The following TENM1 variants were observed in gnomAD, a reference collection of about 807,000 sequenced individuals.
The protein encoded by TENM1 is teneurin transmembrane protein 1.
TENM1 carries 35 observed loss-of-function variants against 174.8 expected under a neutral mutation model. The ratio of observed to expected loss-of-function variants is 0.20; its 90% confidence interval spans 0.15 to 0.27. TENM1 has a LOEUF of 0.27. Among genes scored for constraint, TENM1 ranks in the 10% least tolerant of loss-of-function variants. The pLI is 1.00. For missense variants in TENM1, 1,633 were observed against 2,130.1 expected, an observed-to-expected ratio of 0.77 and a Z score of 4.59; for synonymous variants, 781 against 798.7, an observed-to-expected ratio of 0.98 and a Z score of 0.37.
the TENM1 span, among the ~76,000 whole-genome samples, chrX:125,024,743 A>C: frequency 8.9e-6 from 1 of 111,947 alleles, no homozygotes; most frequent in East Asian, 2.8e-4. Context: ...TAGACCTCCC[A>C]AATCTTTAAA....
intron 15 of TENM1, among the ~76,000 whole-genome samples, chrX:124,530,586 T>C (rs975438923): frequency 9.0e-6 from 1 of 111,674 alleles, no homozygotes; most frequent in Non-Finnish European, 1.9e-5. Context: ...ATAGTATGAA[T>C]ATTTTTAAGC....
At chrX:124,699,327 T>A (rs1021504419) in intron 5 of TENM1, among the ~76,000 whole-genome samples, 2 of 111,003 alleles carry the variant, frequency 1.8e-5, no homozygotes, top group Admixed American at 9.6e-5. Context: ...CAGTCCCCCT[T>A]TATTATGCCT....
At chrX:124,962,266 T>C (rs1315686877) in intron 1 of TENM1, among the ~76,000 whole-genome samples, 1 of 111,670 alleles carries the variant, frequency 9.0e-6, no homozygotes, top group Non-Finnish European at 1.9e-5. Flanking sequence ...ATTGAAGCCA[T>C]CTGAGTAAAA....
At chrX:125,009,850 T>A in the TENM1 span, among the ~76,000 whole-genome samples, 1 of 111,722 alleles carries the variant, frequency 9.0e-6, no homozygotes. Context: ...TGTTAAAAAC[T>A]CTCAATAAAC....
At chrX:124,422,540 C>A (rs1271249650) in exon 24 of TENM1, 1 of 1,209,046 alleles carries the variant, frequency 8.3e-7, no homozygotes, top group African/African-American at 1.8e-5. Flanking sequence ...TCCGAACACG[C>A]CTGTTCTCAG....
Position 124,747,910 on chromosome X carries a change from G to A in TENM1, c.536-10713C>T, listed in dbSNP as rs936384188. On this transcript the variant is annotated intron_variant, in intron 3 of 31. Coordinates refer to ENST00000422452, the Ensembl canonical transcript of TENM1. ...TTCTTGACTCCCAAATAGCAAACAC[G>A]TACCACAAAGGATAGAAATGAAATT... 3.6e-5 allele frequency among the ~76,000 whole-genome samples: 4 copies of A among 111,200 alleles called. No individual in the cohort carries two copies. In the East Asian group the frequency reaches 8.6e-4, roughly 24 times the overall value.
chrX:124,881,216 G>A (rs955939631), intron 3 of TENM1, among the ~76,000 whole-genome samples: 5 of 111,313 alleles, frequency 4.5e-5, no homozygotes, highest in African/African-American at 1.3e-4. Context: ...ACTCATTTTT[G>A]ATCTGTTCAG....
the TENM1 span, among the ~76,000 whole-genome samples, chrX:125,049,719 C>A: frequency 9.0e-6 from 1 of 111,296 alleles, no homozygotes; most frequent in African/African-American, 3.3e-5. Context: ...TTATAGCCAT[C>A]CTCCTATGTG....
chrX:124,745,963 T>G (rs2053908364), intron 3 of TENM1, among the ~76,000 whole-genome samples: 1 of 111,551 alleles, frequency 9.0e-6, no homozygotes, highest in Non-Finnish European at 1.9e-5. Flanking sequence ...CTAAGAAGTA[T>G]GAGCAGGAAA....
intron 5 of TENM1, among the ~76,000 whole-genome samples, chrX:124,680,661 G>A (rs1272080005): frequency 1.8e-5 from 2 of 110,489 alleles, no homozygotes; most frequent in Non-Finnish European, 3.8e-5. Flanking sequence ...CATAATGATG[G>A]GATAAATTTA....
intron 5 of TENM1, among the ~76,000 whole-genome samples, chrX:124,689,347 T>C (rs974042098): frequency 8.9e-6 from 1 of 112,327 alleles, no homozygotes; most frequent in Non-Finnish European, 1.9e-5. Context: ...GCGTATTGTA[T>C]ATAATAGCAA....
chrX:124,395,804 T>C (rs2060326711), intron 27 of TENM1, among the ~76,000 whole-genome samples: 1 of 112,200 alleles, frequency 8.9e-6, no homozygotes, highest in Non-Finnish European at 1.9e-5. Flanking sequence ...ATACTGTTCA[T>C]TTACAATAGC....
chrX:124,424,721 T>C (rs2060691179), intron 23 of TENM1, among the ~76,000 whole-genome samples: 1 of 111,336 alleles, frequency 9.0e-6, no homozygotes, highest in Non-Finnish European at 1.9e-5. Flanking sequence ...GGGGGTGAAG[T>C]TCTTATGACT....
chrX:124,891,426 C>T (rs2057474006), intron 3 of TENM1, among the ~76,000 whole-genome samples: 1 of 110,537 alleles, frequency 9.0e-6, no homozygotes, highest in Non-Finnish European at 1.9e-5. Context: ...TTTGGGAGGC[C>T]GAGGCAGGCA....
At chrX:124,481,823 C>T (rs1458315697) in exon 22 of TENM1, 4 of 1,202,901 alleles carry the variant, frequency 3.3e-6, no homozygotes, top group African/African-American at 1.8e-5. Context: ...CAGTTCCTGC[C>T]ACCACTTCAA....
chrX:124,847,183 A>G (rs1380236049), intron 3 of TENM1, among the ~76,000 whole-genome samples: 3 of 111,107 alleles, frequency 2.7e-5, no homozygotes, highest in African/African-American at 9.8e-5. Flanking sequence ...AGTCACCAAG[A>G]GTGGGCTGTG....
intron 15 of TENM1, among the ~76,000 whole-genome samples, chrX:124,531,355 G>C (rs1212695759): frequency 9.1e-6 from 1 of 110,372 alleles, no homozygotes; most frequent in African/African-American, 3.3e-5. Flanking sequence ...AAACACCTTT[G>C]AATAAGCTAC....
At chrX:124,730,014 G>T (rs975289272) in intron 4 of TENM1, among the ~76,000 whole-genome samples, 1 of 110,525 alleles carries the variant, frequency 9.0e-6, no homozygotes, top group East Asian at 2.9e-4. Flanking sequence ...GGATTACAGG[G>T]ACCTGCCACC....
At chrX:125,137,912 C>T in the TENM1 span, among the ~76,000 whole-genome samples, 115 of 111,664 alleles carry the variant, frequency 1.0e-3, no homozygotes, top group African/African-American at 3.7e-3. Flanking sequence ...ATTAAAGCTC[C>T]CTTTCACTGT....
Sources: gnomAD v4.1 joint callset for allele counts (sites outside exome capture counted in the v4.1 genomes callset) on GRCh38, gnomAD v4.1.1 for gene constraint, MANE v1.5 for transcripts, NCBI Gene and HGNC (gene_info 2026-07-23, HGNC 2026-07-21) for gene names.